IQCK: variants seen among roughly 807,000 people sequenced by gnomAD.
IQCK encodes IQ motif containing K.
IQCK carries 29 observed loss-of-function variants against 28.1 expected under a neutral mutation model. The observed-to-expected ratio is 1.03, with a 90% CI of 0.77 to 1.41. IQCK has a LOEUF of 1.41. Ranked by LOEUF, IQCK falls within the 40% of genes most tolerant of loss-of-function variation. The probability of loss-of-function intolerance (pLI) is 0.00; values close to 1 mark genes in which losing one functional copy is unlikely to be tolerated. For missense variants in IQCK, 359 were observed against 314.7 expected (o/e 1.14, Z -1.07); for synonymous variants, 113 against 115.1 (o/e 0.98, Z 0.12).
intron 3 of IQCK, 105 bp downstream of exon 3, chr16:19,733,932 A>G (rs1977922958): frequency 1.0e-6 from 1 of 985,100 alleles, no homozygotes; most frequent in South Asian, 1.8e-5. Flanking sequence ...GACCACATAC[A>G]TAAGAAAGAA....
intron 4 of IQCK, among the ~76,000 whole-genome samples, chr16:19,745,266 A>G (rs1219963860): frequency 2.6e-5 from 4 of 152,002 alleles, no homozygotes; most frequent in African/African-American, 4.8e-5. Flanking sequence ...TCTTTTTACC[A>G]TTCATTCTTT....
At chr16:19,748,072 CTTTTTTTTTT>C (rs61573221) in intron 4 of IQCK, among the ~76,000 whole-genome samples, 1 of 117,214 alleles carries the variant, frequency 8.5e-6, no homozygotes, top group African/African-American at 3.5e-5. Context: ...GGCTCAAATT[CTTTTTTTTTT>C]TTTTTTTTTT....
At chr16:19,849,261 G>GTTTTTT (rs71146276) in intron 9 of IQCK, among the ~76,000 whole-genome samples, 2 of 142,156 alleles carry the variant, frequency 1.4e-5, no homozygotes, top group African/African-American at 2.6e-5. Context: ...CTATGTTCAG[G>GTTTTTT]TTTTTTTTTT....
At position 19,821,097 on chromosome 16, in the gene IQCK, A is replaced by G. The variant is rs536335912; in HGVS notation, c.691-5929A>G. Among the ~76,000 whole-genome samples the G allele has an allele frequency of 3.4e-4, 52 of 152,280 alleles. 1 individual carries two copies. The South Asian group carries it at 5.0e-3, about 15-fold the overall frequency. On this transcript the variant is annotated intron_variant, in intron 7 of 7. Coordinates refer to ENST00000564186, the Ensembl canonical transcript of IQCK. ...GTGGTACACACCTGTAGTCCCAGCT[A>G]GTCAGAAGAATGAGGTGGGAGGATT...
At chr16:19,804,020 G>A (rs551917301) in intron 7 of IQCK, among the ~76,000 whole-genome samples, 6 of 152,286 alleles carry the variant, frequency 3.9e-5, no homozygotes, top group African/African-American at 1.4e-4. Flanking sequence ...CAGTATGGAG[G>A]TGATTATATA....
At chr16:19,727,361 C>T (rs1159216871) in intron 1 of IQCK, among the ~76,000 whole-genome samples, 2 of 152,064 alleles carry the variant, frequency 1.3e-5, no homozygotes, top group Non-Finnish European at 1.5e-5. Context: ...CCAAGGCGGG[C>T]GGATTGCCTG....
rs191500266 is a variant in IQCK, at chr16:19,837,042, G to A, written c.802+9905G>A. 2.8e-3 allele frequency among the ~76,000 whole-genome samples: 432 copies of A among 152,178 alleles called. 2 individuals carry two copies. The highest frequency in any genetic ancestry group is 4.4e-3 in the Non-Finnish European group (300 of 68,020). On this transcript the variant is annotated intron_variant, in intron 9 of 9. Transcript: ENST00000320394. ...GAATAGTGCCTGGCCCATAATAAGTGATCAATAAATGATAATTATTATTAA... is the reference window on the plus strand; with the variant it reads ...GAATAGTGCCTGGCCCATAATAAGTAATCAATAAATGATAATTATTATTAA...
intron 7 of IQCK, among the ~76,000 whole-genome samples, chr16:19,793,643 G>GTTTTTTTTT (rs1285541664): frequency 9.7e-5 from 6 of 61,808 alleles, no homozygotes; most frequent in African/African-American, 1.6e-4. Context: ...TCTCAGTTGG[G>GTTTTTTTTT]TTTTTTTTTT....
chr16:19,740,522 G>T (rs1044806162), intron 4 of IQCK, among the ~76,000 whole-genome samples: 7 of 152,150 alleles, frequency 4.6e-5, no homozygotes, highest in African/African-American at 1.7e-4. Context: ...CACCTCACGA[G>T]TCACATTTCA....
At position 19,858,361 on chromosome 16, in the gene IQCK, C is replaced by T. The variant is rs143279223; in HGVS notation, c.*1813C>T. On this transcript the variant is annotated 3_prime_UTR_variant, in exon 10 of 10. Coordinates refer to the IQCK transcript ENST00000320394. ...TCTCATTAAATGAGGCTTCCCATGG[C>T]TCAAAGATGGCTCTGTTCTTATGCT... is the stretch of plus-strand genomic sequence containing the variant. The T allele has an allele frequency of 1.1e-3, 507 of 450,050 alleles. 2 individuals carry two copies. The highest frequency in any genetic ancestry group is 9.4e-3 in the African/African-American group (469 of 49,798). 27.9% of individuals were successfully genotyped at this position (450,050 alleles called of 1,614,324 possible).
intron 7 of IQCK, among the ~76,000 whole-genome samples, chr16:19,816,672 G>A (rs112280688): frequency 1.6e-4 from 25 of 152,298 alleles, no homozygotes; most frequent in African/African-American, 5.8e-4. Flanking sequence ...CCCTTGGGAG[G>A]AGACTTGCTT....
intron 1 of IQCK, among the ~76,000 whole-genome samples, chr16:19,728,965 T>C (rs1977744502): frequency 6.6e-6 from 1 of 152,166 alleles, no homozygotes; most frequent in South Asian, 2.1e-4. Flanking sequence ...CAAATTAATT[T>C]TTCCTCATGA....
chr16:19,774,398 CTTTTTTT>C (rs1167894201), intron 6 of IQCK, among the ~76,000 whole-genome samples: 13 of 104,112 alleles, frequency 1.2e-4, no homozygotes, highest in Admixed American at 3.3e-4. Flanking sequence ...TTAGCTAATA[CTTTTTTT>C]TTTTTTTTTT....
chr16:19,818,758 T>G (rs2056024042), intron 7 of IQCK, among the ~76,000 whole-genome samples: 2 of 152,128 alleles, frequency 1.3e-5, no homozygotes. Flanking sequence ...AAACTTCCAT[T>G]TGTAAGTTTA....
At chr16:19,729,593 G>A (rs190899282) in intron 1 of IQCK, among the ~76,000 whole-genome samples, 2 of 151,858 alleles carry the variant, frequency 1.3e-5, no homozygotes, top group Non-Finnish European at 2.9e-5. Flanking sequence ...TCATGTAAGA[G>A]ACCAACCATC....
chr16:19,836,970 A>C (rs1348162256), intron 9 of IQCK, among the ~76,000 whole-genome samples: 3 of 152,220 alleles, frequency 2.0e-5, no homozygotes, highest in Non-Finnish European at 4.4e-5. Context: ...GGCAATACTA[A>C]TACTAGTAAC....
chr16:19,729,932 C>T (rs1040611538), intron 1 of IQCK, among the ~76,000 whole-genome samples: 1 of 151,942 alleles, frequency 6.6e-6, no homozygotes, highest in Non-Finnish European at 1.5e-5. Flanking sequence ...GCGTGAGCCA[C>T]CACGCCCGGC....
At chr16:19,723,892 G>A (rs1977572809) in intron 1 of IQCK, among the ~76,000 whole-genome samples, 1 of 151,848 alleles carries the variant, frequency 6.6e-6, no homozygotes, top group Non-Finnish European at 1.5e-5. Context: ...CCTGGGAGGA[G>A]GAGGTTGCAC....
At chr16:19,832,544 G>A (rs2056244818) in intron 9 of IQCK, among the ~76,000 whole-genome samples, 1 of 151,738 alleles carries the variant, frequency 6.6e-6, no homozygotes, top group Non-Finnish European at 1.5e-5. Flanking sequence ...TAAGATTAGG[G>A]AAAAAAATAA....
Sources: allele counts gnomAD v4.1 joint callset (sites outside exome capture counted in the v4.1 genomes callset), GRCh38; gene constraint gnomAD v4.1.1; transcripts MANE v1.5; gene names NCBI Gene and HGNC (gene_info 2026-07-23, HGNC 2026-07-21).